ZFAND3: variants seen among roughly 807,000 people sequenced by gnomAD.
ZFAND3 encodes the protein AN1-type zinc finger protein 3.
Under a neutral mutation model 29.6 loss-of-function variants are expected in ZFAND3, and 10 were observed. That is an observed-to-expected ratio of 0.34 (90% CI 0.21 to 0.57). The LOEUF (loss-of-function observed/expected upper bound fraction) is 0.57, where lower values mean the gene tolerates loss of function less well. Among genes scored for constraint, ZFAND3 ranks in the 20% least tolerant of loss-of-function variants. The pLI is 0.86. For synonymous variants in ZFAND3, 128 were observed against 112.6 expected (o/e 1.14, Z -0.87); for missense variants, 230 against 304.5 (o/e 0.76, Z 1.82).
intron 1 of ZFAND3, among the ~76,000 whole-genome samples, chr6:37,892,072 A>G (rs887226109): frequency 5.3e-5 from 8 of 152,218 alleles, no homozygotes; most frequent in Admixed American, 1.3e-4. Context: ...AGTCTCCAGT[A>G]TAGACAACGT....
intron 4 of ZFAND3, among the ~76,000 whole-genome samples, chr6:38,098,551 A>G (rs1329418656): frequency 6.6e-6 from 1 of 150,406 alleles, no homozygotes; most frequent in Non-Finnish European, 1.5e-5. Flanking sequence ...CCCAGGCTGG[A>G]GTGCAGTGGC....
At chr6:37,896,514 T>TTTTCTTTCTTTCTCTTTCTTTC (rs1765208380) in intron 1 of ZFAND3, among the ~76,000 whole-genome samples, 1 of 109,100 alleles carries the variant, frequency 9.2e-6, no homozygotes, top group African/African-American at 3.7e-5. Context: ...TTCCTCTTTC[T>TTTTCTTTCTTTCTCTTTCTTTC]TTTCTTTCTT....
At chr6:38,110,779 C>T (rs535840832) in intron 4 of ZFAND3, among the ~76,000 whole-genome samples, 8 of 152,240 alleles carry the variant, frequency 5.3e-5, no homozygotes, top group East Asian at 1.9e-4. Flanking sequence ...TCTTTGTTGC[C>T]GCATTGCTTC....
intron 2 of ZFAND3, among the ~76,000 whole-genome samples, chr6:38,030,112 G>T (rs1763530566): frequency 9.1e-6 from 1 of 109,994 alleles, no homozygotes; most frequent in Non-Finnish European, 1.9e-5. Flanking sequence ...AGCCTGAGAA[G>T]GTCTTCTTTT....
intron 2 of ZFAND3, among the ~76,000 whole-genome samples, chr6:38,016,408 C>G (rs1763253521): frequency 6.6e-6 from 1 of 152,300 alleles, no homozygotes; most frequent in Non-Finnish European, 1.5e-5. Context: ...TTCTGTATGA[C>G]TGGCATAATT....
At chr6:38,004,738 A>G (rs963654830) in intron 2 of ZFAND3, among the ~76,000 whole-genome samples, 1 of 152,216 alleles carries the variant, frequency 6.6e-6, no homozygotes, top group African/African-American at 2.4e-5. Context: ...TAGGAATGGT[A>G]TGGAAAAATG....
chr6:38,069,273 T>C (rs1281048489), intron 3 of ZFAND3, among the ~76,000 whole-genome samples: 1 of 152,196 alleles, frequency 6.6e-6, no homozygotes, highest in East Asian at 1.9e-4. Flanking sequence ...TTAAAAAATA[T>C]TTTATGACTT....
intron 1 of ZFAND3, among the ~76,000 whole-genome samples, chr6:37,867,811 G>C (rs1328855393): frequency 3.3e-5 from 5 of 152,206 alleles, no homozygotes; most frequent in Admixed American, 6.5e-5. Flanking sequence ...ACATGAACCT[G>C]AATATTAGAG....
At chr6:38,042,197 G>C (rs1581864681) in intron 2 of ZFAND3, among the ~76,000 whole-genome samples, 1 of 151,796 alleles carries the variant, frequency 6.6e-6, no homozygotes, top group East Asian at 1.9e-4. Flanking sequence ...AGAATTTGCT[G>C]CATTAAAAAG....
intron 1 of ZFAND3, among the ~76,000 whole-genome samples, chr6:37,831,964 A>C (rs13218158): frequency 0.13 from 19,864 of 152,192 alleles, 2,115 homozygotes; most frequent in African/African-American, 0.3. Flanking sequence ...TGTTTCAAAA[A>C]AGTTAATGTG....
intron 2 of ZFAND3, among the ~76,000 whole-genome samples, chr6:38,038,538 G>C (rs1405337618): frequency 6.6e-6 from 1 of 152,102 alleles, no homozygotes; most frequent in Non-Finnish European, 1.5e-5. Flanking sequence ...TAAATGGCAG[G>C]GTTCACCTTA....
chr6:38,137,325 A>G (rs548613180), intron 5 of ZFAND3, among the ~76,000 whole-genome samples: 2 of 152,368 alleles, frequency 1.3e-5, no homozygotes, highest in Admixed American at 6.5e-5. Flanking sequence ...GTGTTCACCC[A>G]GGTAACTGGA....
chr6:38,074,500 A>T (rs1186457258), intron 3 of ZFAND3, among the ~76,000 whole-genome samples: 1 of 152,236 alleles, frequency 6.6e-6, no homozygotes, highest in East Asian at 1.9e-4. Context: ...TAGCATGAGG[A>T]CTACCATGCT....
At chr6:37,915,507 AG>A (rs1157975644) in intron 1 of ZFAND3, 4 of 152,230 alleles carry the variant, frequency 2.6e-5, no homozygotes, top group African/African-American at 4.8e-5. Context: ...GAACACTTAG[AG>A]GGCATTGTAG....
At chr6:37,992,633 A>G (rs935730511) in intron 2 of ZFAND3, among the ~76,000 whole-genome samples, 2 of 152,204 alleles carry the variant, frequency 1.3e-5, no homozygotes, top group African/African-American at 4.8e-5. Context: ...CACAATATTA[A>G]GAAATATACC....
At chr6:37,955,601 C>G (rs138010030) in intron 2 of ZFAND3, among the ~76,000 whole-genome samples, 1 of 152,310 alleles carries the variant, frequency 6.6e-6, no homozygotes, top group East Asian at 1.9e-4. Context: ...GTAGTAAGTT[C>G]TGCTATGACC....
At chr6:38,006,877 G>A (rs1019857055) in intron 2 of ZFAND3, among the ~76,000 whole-genome samples, 4 of 152,034 alleles carry the variant, frequency 2.6e-5, no homozygotes, top group African/African-American at 9.6e-5. Flanking sequence ...CACAACTTGG[G>A]GATTGATGGG....
chr6:38,001,806 A>G (rs1762952587), intron 2 of ZFAND3, among the ~76,000 whole-genome samples: 1 of 152,236 alleles, frequency 6.6e-6, no homozygotes, highest in African/African-American at 2.4e-5. Context: ...GGTCAGAGGA[A>G]TAAAAGTAAA....
rs912135299 is a variant in ZFAND3 at position 37,970,574 on chromosome 6, A to G, written c.112+40575A>G. On this transcript the variant is annotated intron_variant, in intron 2 of 5. Transcript: ENST00000287218. The stretch of plus-strand genomic sequence containing the variant: ...CAAGAAACAGAAAGATTGGAATAGG[A>G]TTGGAATGGAGTCTCCCCGTGATTT... 7.2e-5 allele frequency among the ~76,000 whole-genome samples: 11 copies of G among 152,216 alleles called. 1 individual carries two copies. The highest frequency in any genetic ancestry group is 3.3e-4 in the Admixed American group (5 of 15,284).
Sources: allele counts gnomAD v4.1 joint callset (sites outside exome capture counted in the v4.1 genomes callset), GRCh38; gene constraint gnomAD v4.1.1; transcripts MANE v1.5; gene names NCBI Gene and HGNC (gene_info 2026-07-23, HGNC 2026-07-21).